KCNA2: variants seen among roughly 807,000 people sequenced by gnomAD.
The protein encoded by KCNA2 is potassium channel, voltage gated shaker related subfamily A, member 2.
KCNA2 carries 11 observed loss-of-function variants against 33.4 expected under a neutral mutation model. That is an observed-to-expected ratio of 0.33 (90% CI 0.21 to 0.55). The LOEUF is 0.55. Among genes scored for constraint, KCNA2 ranks in the 20% least tolerant of loss-of-function variants. The pLI is 0.93. For synonymous variants in KCNA2, 222 were observed against 231.3 expected (o/e 0.96, Z 0.37); for missense variants, 291 against 621.6 (o/e 0.47, Z 5.66).
intron 1 of KCNA2, among the ~76,000 whole-genome samples, chr1:110,624,376 G>T (rs1378426037): frequency 1.3e-5 from 2 of 152,218 alleles, no homozygotes; most frequent in African/African-American, 4.8e-5. Flanking sequence ...AGTGAAAGAA[G>T]ACAGACATAA....
rs1649275511 is a variant in KCNA2 at position 110,600,171 on chromosome 1, G to A, written c.*3112C>T. ...GTTAATTCATAGCTCTGGGGGCAGG[G>A]CAATGGGTCTGAGTATATGTCTGCA... is the stretch of plus-strand genomic sequence containing the variant. On this transcript the variant is annotated 3_prime_UTR_variant, in exon 3 of 3. Transcript: ENST00000316361. 2.0e-6 allele frequency: 2 copies of A among 983,740 alleles called. No homozygotes were observed. The highest frequency in any genetic ancestry group is 2.4e-6 in the Non-Finnish European group (2 of 829,690). 60.9% of individuals were successfully genotyped at this position (983,740 alleles called of 1,614,324 possible). A position where few individuals can be genotyped will look rare whatever the true frequency, so the allele number is the denominator to read the frequency against.
chr1:110,612,829 A>G (rs920565329), intron 1 of KCNA2, among the ~76,000 whole-genome samples: 2 of 152,214 alleles, frequency 1.3e-5, no homozygotes, highest in African/African-American at 4.8e-5. Flanking sequence ...CACTGGCATC[A>G]CATTAAACTG....
Position 110,601,562 on chromosome 1 carries a change from A to G in KCNA2, c.*1721T>C, listed in dbSNP as rs1649344795. Reference sequence around the variant, plus strand: ...ACAGGGCCCTTGTGCACTCAGTAAGACAAGCTTCAGCCATGGGAACTGAAG... The same window carrying G: ...ACAGGGCCCTTGTGCACTCAGTAAGGCAAGCTTCAGCCATGGGAACTGAAG... On this transcript the variant is annotated 3_prime_UTR_variant, in exon 3 of 3. Transcript: ENST00000316361. 1.0e-6 allele frequency: 1 copy of G among 987,852 alleles called. No homozygotes were observed. Among genetic ancestry groups the G allele is most frequent in the Non-Finnish European group, 1.2e-6 (1 of 831,708 alleles). The allele number at this position is 987,852 out of a possible 1,614,324, so 61.2% of individuals were successfully genotyped here.
rs1649238332 is a variant in KCNA2 at position 110,599,345 on chromosome 1, G to A, written c.*3938C>T. 2 of 984,476 alleles carry A rather than the reference G, an allele frequency of 2.0e-6. No individual in the cohort carries two copies. The highest frequency in any genetic ancestry group is 2.4e-6 in the Non-Finnish European group (2 of 829,650). 61.0% of individuals were successfully genotyped at this position (984,476 alleles called of 1,614,324 possible). On this transcript the variant is annotated 3_prime_UTR_variant, in exon 3 of 3. Transcript: ENST00000316361. Reference sequence around the variant, plus strand: ...GGCCTTAGAATATAGGATAAAGTCAGGCCCTCTAAAAAGTGTTAGCTTGCT... The same window carrying A: ...GGCCTTAGAATATAGGATAAAGTCAAGCCCTCTAAAAAGTGTTAGCTTGCT...
At position 110,603,418 on chromosome 1, in the gene KCNA2, C is replaced by T; in HGVS notation, c.1365G>A (p.Lys455=). 2 of 1,614,196 alleles carry T rather than the reference C, an allele frequency of 1.2e-6. No homozygotes were observed. Among genetic ancestry groups the T allele is most frequent in the Non-Finnish European group, 1.7e-6 (2 of 1,180,038 alleles). The part of the protein sequence containing the change: ...KKSRSASTIS[K]SDYMEIQEGV... The stretch of plus-strand genomic sequence containing the variant: ...CCTCCTGGATCTCCATGTAATCAGA[C>T]TTACTAATGGTAGAGGCACTTCTAC... Residue 455 remains lysine (K), a synonymous_variant, in exon 3 of 3, where the codon AAG becomes AAA. Coordinates refer to ENST00000316361, the MANE Select transcript of KCNA2 (RefSeq NM_004974.4). This position sits in a 1 kb window ranked among gnomAD's most constrained non-coding sequence, Gnocchi z 5.7.
Position 110,604,237 on chromosome 1 carries a change from C to T in KCNA2, c.546G>A (p.Leu182=), listed in dbSNP as rs2101401198. 6.2e-7 allele frequency: 1 copy of T among 1,614,156 alleles called. No individual in the cohort carries two copies. Among genetic ancestry groups the T allele is most frequent in the Non-Finnish European group, 8.5e-7 (1 of 1,180,038 alleles). The change falls in exon 3 of 3, where the codon CTG becomes CTA. Residue 182 remains leucine (L), a synonymous_variant. Transcript: ENST00000316361. The surrounding 1 kb of genome is among the most constrained non-coding windows in gnomAD (Gnocchi z 7.6). ...CATCCCGGAAGATGGGCAATGTTTCCAGACAGAAGCTGACAATTGAGATCA... is the reference window on the plus strand; with the variant it reads ...CATCCCGGAAGATGGGCAATGTTTCTAGACAGAAGCTGACAATTGAGATCA... ...VILISIVSFC[L]ETLPIFRDEN... is the part of the protein sequence containing the mutation.
At position 110,602,722 on chromosome 1, in the gene KCNA2, C is replaced by T. The variant is rs761612887; in HGVS notation, c.*561G>A. 4.0e-6 allele frequency: 4 copies of T among 993,144 alleles called. No individual in the cohort carries two copies. The highest frequency in any genetic ancestry group is 4.8e-6 in the Non-Finnish European group (4 of 835,038). The allele number at this position is 993,144 out of a possible 1,614,324, so 61.5% of individuals were successfully genotyped here. On this transcript the variant is annotated 3_prime_UTR_variant, in exon 3 of 3. Coordinates refer to ENST00000316361, the MANE Select transcript of KCNA2 (RefSeq NM_004974.4). ...GCATTTTCCGTTATGAAACACAAGCCTCCAGAGCATCTACTTGGCAACTGC... is the reference window on the plus strand; with the variant it reads ...GCATTTTCCGTTATGAAACACAAGCTTCCAGAGCATCTACTTGGCAACTGC...
At chr1:110,623,151 A>G (rs2101462875) in intron 1 of KCNA2, among the ~76,000 whole-genome samples, 1 of 152,360 alleles carries the variant, frequency 6.6e-6, no homozygotes, top group South Asian at 2.1e-4. Context: ...AAGAAAGTCC[A>G]GAAATTGATT....
intron 1 of KCNA2, among the ~76,000 whole-genome samples, chr1:110,612,202 C>T (rs2101434655): frequency 6.6e-6 from 1 of 152,254 alleles, no homozygotes; most frequent in South Asian, 2.1e-4. Context: ...TACAGTCACG[C>T]GTCACCTAAC....
At position 110,599,018 on chromosome 1, in the gene KCNA2, A is replaced by G; in HGVS notation, c.*4265T>C. 1.0e-6 allele frequency: 1 copy of G among 985,208 alleles called. No individual in the cohort carries two copies. The highest frequency in any genetic ancestry group is 1.2e-6 in the Non-Finnish European group (1 of 829,736). The allele number at this position is 985,208 out of a possible 1,614,324, so 61.0% of individuals were successfully genotyped here. A position where few individuals can be genotyped will look rare whatever the true frequency, so the allele number is the denominator to read the frequency against. ...AGGAATGGTACCTTGACCTGGAAAC[A>G]CAAGTTTCCAGCAAAGCACACGTTT... On this transcript the variant is annotated 3_prime_UTR_variant, in exon 3 of 3. Coordinates refer to ENST00000316361, the MANE Select transcript of KCNA2 (RefSeq NM_004974.4).
chr1:110,599,091 C>A lies in KCNA2; in HGVS notation c.*4192G>T. 1 of 985,452 alleles carries A rather than the reference C, an allele frequency of 1.0e-6. No individual in the cohort carries two copies. Among genetic ancestry groups the A allele is most frequent in the Non-Finnish European group, 1.2e-6 (1 of 829,948 alleles). The allele number at this position is 985,452 out of a possible 1,614,324, so 61.0% of individuals were successfully genotyped here. A position where few individuals can be genotyped will look rare whatever the true frequency, so the allele number is the denominator to read the frequency against. On this transcript the variant is annotated 3_prime_UTR_variant, in exon 3 of 3. Coordinates refer to ENST00000316361, the MANE Select transcript of KCNA2 (RefSeq NM_004974.4). ...ACTGTTGTTACCTTTTCTGTAGAGA[C>A]TGGGAGCTGCGACCATCACTGGAAG...
At position 110,601,440 on chromosome 1, in the gene KCNA2, C is replaced by A; in HGVS notation, c.*1843G>T. ...CCAAATGATAATAAGATCCAAGTGGCAAGGGAAGAGGTGAAAATGGAGATG... is the reference window on the plus strand; with the variant it reads ...CCAAATGATAATAAGATCCAAGTGGAAAGGGAAGAGGTGAAAATGGAGATG... On this transcript the variant is annotated 3_prime_UTR_variant, in exon 3 of 3. Coordinates refer to ENST00000316361, the MANE Select transcript of KCNA2 (RefSeq NM_004974.4). The A allele has an allele frequency of 3.0e-6, 3 of 985,336 alleles. No homozygotes were observed. Among genetic ancestry groups the A allele is most frequent in the Non-Finnish European group, 3.6e-6 (3 of 829,972 alleles). 61.0% of individuals were successfully genotyped at this position (985,336 alleles called of 1,614,324 possible).
chr1:110,613,188 C>A (rs1277797025), intron 1 of KCNA2, among the ~76,000 whole-genome samples: 1 of 152,194 alleles, frequency 6.6e-6, no homozygotes, highest in African/African-American at 2.4e-5. Context: ...TCAATGACTT[C>A]TTCTGACACT....
chr1:110,630,009 C>CTTTT lies in KCNA2; in HGVS notation c.-496+1382_-496+1385dup, dbSNP rs372364243. On this transcript the variant is annotated intron_variant, in intron 1 of 4. Coordinates refer to the KCNA2 transcript ENST00000369770. Reference sequence around the variant, plus strand: ...AGTTAACATCTCTAAGTGCTCTGTACTTTTTTTTTTTTTTTTTTTTTTTGA... The same window carrying CTTTT: ...AGTTAACATCTCTAAGTGCTCTGTACTTTTTTTTTTTTTTTTTTTTTTTTTTTGA... Among the ~76,000 whole-genome samples the CTTTT allele has an allele frequency of 1.8e-3, 213 of 115,154 alleles. 2 individuals carry two copies. Among genetic ancestry groups the CTTTT allele is most frequent in the Non-Finnish European group, 2.7e-3 (156 of 58,378 alleles). The allele number at this position is 115,154 out of a possible 152,430, so 75.5% of individuals were successfully genotyped here.
At chr1:110,625,180 A>G (rs531260372) in intron 1 of KCNA2, among the ~76,000 whole-genome samples, 1 of 152,330 alleles carries the variant, frequency 6.6e-6, no homozygotes, top group Non-Finnish European at 1.5e-5. Flanking sequence ...CAATCTTCCC[A>G]GAGCAGTGTA....
rs1206385730 is a variant in KCNA2, at chr1:110,599,294, G to A, written c.*3989C>T. On this transcript the variant is annotated 3_prime_UTR_variant, in exon 3 of 3. Transcript: ENST00000316361. ...GCTCCAAGAGTAATCCAAAATGGTG[G>A]GTAATCTTAGAAAGTATTTAAATAT... 1 of 982,466 alleles carries A rather than the reference G, an allele frequency of 1.0e-6. No individual in the cohort carries two copies. Among genetic ancestry groups the A allele is most frequent in the Non-Finnish European group, 1.2e-6 (1 of 827,410 alleles). 60.9% of individuals were successfully genotyped at this position (982,466 alleles called of 1,614,324 possible). A position where few individuals can be genotyped will look rare whatever the true frequency, so the allele number is the denominator to read the frequency against.
chr1:110,628,423 T>A (rs1650457912), intron 1 of KCNA2, among the ~76,000 whole-genome samples: 1 of 152,198 alleles, frequency 6.6e-6, no homozygotes, highest in Non-Finnish European at 1.5e-5. Flanking sequence ...GGTGTTAGAA[T>A]GGGCCTGACC....
chr1:110,617,080 A>G (rs1650090881), intron 1 of KCNA2, among the ~76,000 whole-genome samples: 1 of 152,218 alleles, frequency 6.6e-6, no homozygotes, highest in African/African-American at 2.4e-5. Context: ...GGCAATCTGC[A>G]TGCCTCACTG....
chr1:110,623,952 T>C (rs987063556), intron 1 of KCNA2, among the ~76,000 whole-genome samples: 1 of 150,646 alleles, frequency 6.6e-6, no homozygotes, highest in Non-Finnish European at 1.5e-5. Flanking sequence ...CACAAAAAGA[T>C]ATCACTACAC....
Sources: gnomAD v4.1 joint callset for allele counts (sites outside exome capture counted in the v4.1 genomes callset) on GRCh38, gnomAD v4.1.1 for gene constraint, Gnocchi (gnomAD v3.1) non-coding constraint, MANE v1.5 for transcripts, NCBI Gene and HGNC (gene_info 2026-07-23, HGNC 2026-07-21) for gene names.